The following CEP290 variants were observed in gnomAD, a reference collection of about 807,000 sequenced individuals.
CEP290 encodes centrosomal protein 290.
Under a neutral mutation model 344.9 loss-of-function variants are expected in CEP290, and 317 were observed. The observed-to-expected ratio is 0.92, with a 90% CI of 0.84 to 1.01. The LOEUF (loss-of-function observed/expected upper bound fraction) is 1.01, where lower values mean the gene tolerates loss of function less well. Ranked by LOEUF, CEP290 falls within the 50% of genes least tolerant of loss-of-function variation. CEP290 has a pLI of 0.00. For missense variants in CEP290, 2,754 were observed against 2,761.4 expected (o/e 1.00, Z 0.06); for synonymous variants, 932 against 895.8 (o/e 1.04, Z -0.72).
At chr12:88,133,234 AC>A (rs2040181488) in intron 6 of CEP290, among the ~76,000 whole-genome samples, 1 of 151,492 alleles carries the variant, frequency 6.6e-6, no homozygotes, top group Non-Finnish European at 1.5e-5. Flanking sequence ...CAGTACCATG[AC>A]CAGTTAATTT....
chr12:88,089,165 T>G lies in CEP290; in HGVS notation c.3896A>C (p.Lys1299Thr), dbSNP rs773195058. ...TMIQLQNDKL[K>T]IMQEMKNSQQ... is the part of the protein sequence containing the mutation. ...AGAATTTTTCATTTCTTGCATTATC[T>G]TAAGTTTGTCATTTTGTAGTTGAAT... Residue 1299 changes from lysine (K) to threonine (T), a missense_variant, in exon 31 of 54, where the codon AAG becomes ACG. Physicochemically the swap from Lys to Thr is moderately conservative, Grantham distance 78. Coordinates refer to ENST00000552810, the MANE Select transcript of CEP290 (RefSeq NM_025114.4). The G allele has an allele frequency of 3.1e-6, 5 of 1,612,008 alleles. No individual in the cohort carries two copies. The highest frequency in any genetic ancestry group is 4.2e-6 in the Non-Finnish European group (5 of 1,179,092).
intron 26 of CEP290, among the ~76,000 whole-genome samples, chr12:88,099,930 C>T (rs771456725): frequency 2.6e-5 from 4 of 151,798 alleles, no homozygotes; most frequent in Non-Finnish European, 5.9e-5. Context: ...CACTCTCTCC[C>T]TAGTAACTCT....
rs545853165 is a variant in CEP290, at chr12:88,118,728, G to T, written c.1538C>A (p.Thr513Lys). Reference protein sequence around the residue: ...LRERVGLEPKTMIDLTEFRNS... With the variant: ...LRERVGLEPKKMIDLTEFRNS... ...TCTAAATTCAGTTAAATCAATCATT[G>T]TCTTTGGTTCAAGGCCTACAATAGA... The change falls in exon 16 of 54, where the codon ACA becomes AAA. Residue 513 changes from threonine (T) to lysine (K), a missense_variant. Transcript: ENST00000552810. The T allele has an allele frequency of 1.2e-6, 2 of 1,611,452 alleles. No homozygotes were observed. Among genetic ancestry groups the T allele is most frequent in the South Asian group, 2.2e-5 (2 of 90,528 alleles).
intron 52 of CEP290, among the ~76,000 whole-genome samples, chr12:88,050,859 T>G (rs2033436397): frequency 6.6e-6 from 1 of 152,174 alleles, no homozygotes; most frequent in Admixed American, 6.5e-5. Flanking sequence ...TTATTACACA[T>G]TTACTGTGCA....
At chr12:88,130,736 T>C (rs1451124668) in intron 7 of CEP290, among the ~76,000 whole-genome samples, 171 bp from the exon 8 acceptor site, 1 of 152,110 alleles carries the variant, frequency 6.6e-6, no homozygotes, top group African/African-American at 2.4e-5. Context: ...AATATTTCAA[T>C]TATGTTAGAA....
chr12:88,108,487 A>G (rs2038448863), intron 23 of CEP290, among the ~76,000 whole-genome samples: 1 of 152,210 alleles, frequency 6.6e-6, no homozygotes, highest in Non-Finnish European at 1.5e-5. Context: ...GTTAGGTCAG[A>G]TAATAATTAT....
chr12:88,066,436 A>T (rs1440677580), intron 44 of CEP290, among the ~76,000 whole-genome samples: 1 of 149,814 alleles, frequency 6.7e-6, no homozygotes, highest in East Asian at 2.0e-4. Context: ...AGTAGCTAGG[A>T]CTACAGGTGT....
intron 18 of CEP290, among the ~76,000 whole-genome samples, chr12:88,116,765 A>G (rs942252657): frequency 3.3e-5 from 5 of 151,816 alleles, no homozygotes; most frequent in South Asian, 2.1e-4. Context: ...ACGAGGTCAG[A>G]AGATCGAGAC....
At chr12:88,119,043 T>G (rs912811253) in intron 15 of CEP290, among the ~76,000 whole-genome samples, 2 of 152,206 alleles carry the variant, frequency 1.3e-5, no homozygotes, top group African/African-American at 4.8e-5. Flanking sequence ...GAAGTCATCT[T>G]TAGGAACTTC....
Position 88,083,943 on chromosome 12 carries a change from T to G in CEP290, c.4716A>C (p.Glu1572Asp), listed in dbSNP as rs780960290. 3 of 1,586,876 alleles carry G rather than the reference T, an allele frequency of 1.9e-6. No homozygotes were observed. Among genetic ancestry groups the G allele is most frequent in the Non-Finnish European group, 2.6e-6 (3 of 1,163,716 alleles). ...GGTCTTCCTCATGTTTCTTCACAAT[T>G]TCTCTTTGCTCCTGTTTTACAGAAA... ...LLEKAREEQR[E>D]IVKKHEEDLH... is the part of the protein sequence containing the mutation. Residue 1572 changes from glutamate (E) to aspartate (D), a missense_variant, in exon 36 of 54, where the codon GAA becomes GAC. Coordinates refer to ENST00000552810, the MANE Select transcript of CEP290 (RefSeq NM_025114.4).
chr12:88,060,490 G>T (rs1054817457), intron 47 of CEP290, among the ~76,000 whole-genome samples: 16 of 152,074 alleles, frequency 1.1e-4, no homozygotes, highest in African/African-American at 3.6e-4. Context: ...AACCCGGGAG[G>T]CAGAGCTTGC....
chr12:88,071,828 G>A lies in CEP290; in HGVS notation c.5808C>T (p.Val1936=), dbSNP rs905571067. The A allele has an allele frequency of 2.5e-6, 4 of 1,603,400 alleles. No homozygotes were observed. The African/African-American group carries it at 4.0e-5, about 16-fold the overall frequency. The change falls in exon 42 of 54, where the codon GTC becomes GTT. Residue 1936 remains valine (V), a synonymous_variant. Coordinates refer to ENST00000552810, the MANE Select transcript of CEP290 (RefSeq NM_025114.4). ...TATTCAACTGCTTTGTTAAAGTAAA[G>A]ACTTCCCCCTCTTTCTCTTTTAACT... The part of the protein sequence containing the change: ...RNKLKEKEGE[V]FTLTKQLNTL...
At chr12:88,072,758 T>C (rs926818871) in intron 41 of CEP290, among the ~76,000 whole-genome samples, 11 of 152,062 alleles carry the variant, frequency 7.2e-5, no homozygotes, top group East Asian at 1.9e-4. Flanking sequence ...CTAGAGGCAA[T>C]AGGAATAGAA....
At position 88,111,868 on chromosome 12, in the gene CEP290, TTATATTA is replaced by T; in HGVS notation, c.2053-17_2053-11del. 1 of 1,503,598 alleles carries T rather than the reference TTATATTA, an allele frequency of 6.7e-7. No individual in the cohort carries two copies. Among genetic ancestry groups the T allele is most frequent in the Non-Finnish European group, 8.9e-7 (1 of 1,125,444 alleles). The allele number at this position is 1,503,598 out of a possible 1,614,324, so 93.1% of individuals were successfully genotyped here. On this transcript the variant is annotated splice_polypyrimidine_tract_variant and intron_variant, in intron 20 of 53. Transcript: ENST00000552810. ...TCTTTGATTCTATAGCCTAGCAAATTTATATTATATATTAGAAATGTGGAGAAAAACA... is the reference window on the plus strand; with the variant it reads ...TCTTTGATTCTATAGCCTAGCAAATTTATATTAGAAATGTGGAGAAAAACA...
At chr12:88,133,807 A>T (rs2040211590) in intron 6 of CEP290, among the ~76,000 whole-genome samples, 1 of 152,236 alleles carries the variant, frequency 6.6e-6, no homozygotes, top group Non-Finnish European at 1.5e-5. Flanking sequence ...TTATCAATTG[A>T]AAGTTAATAA....
At chr12:88,139,338 T>A (rs2040510483) in intron 4 of CEP290, 147 bp from the exon 5 acceptor site, 1 of 508,590 alleles carries the variant, frequency 2.0e-6, no homozygotes, top group South Asian at 6.6e-5. Flanking sequence ...GGCAGATCCA[T>A]AAAATAGGAG....
intron 4 of CEP290, 91 bp downstream of exon 4, chr12:88,139,404 T>C: frequency 1.4e-6 from 1 of 715,870 alleles, no homozygotes; most frequent in African/African-American, 1.9e-5. Flanking sequence ...AATATATATA[T>C]TTTATAGAAT....
At chr12:88,121,328 A>C (rs980520216) in intron 13 of CEP290, among the ~76,000 whole-genome samples, 162 bp from the exon 14 acceptor site, 1 of 152,142 alleles carries the variant, frequency 6.6e-6, no homozygotes, top group Non-Finnish European at 1.5e-5. Flanking sequence ...GGTTTTACTA[A>C]TACAATTTAC....
intron 35 of CEP290, 28 bp downstream of exon 35, chr12:88,084,558 C>G: frequency 1.9e-6 from 3 of 1,572,548 alleles, no homozygotes; most frequent in Non-Finnish European, 2.6e-6. Flanking sequence ...TAATGGATAA[C>G]AGCATAACTC....
Sources: allele counts gnomAD v4.1 joint callset (sites outside exome capture counted in the v4.1 genomes callset), GRCh38; gene constraint gnomAD v4.1.1; transcripts MANE v1.5; gene names NCBI Gene and HGNC (gene_info 2026-07-23, HGNC 2026-07-21).